The following ERC2 variants were observed in gnomAD, a reference collection of about 807,000 sequenced individuals.
The protein encoded by ERC2 is ELKS/RAB6-interacting/CAST family member 2.
In ERC2, 42 loss-of-function variants were observed where a neutral mutation model predicts 114.8. The observed-to-expected ratio is 0.37, with a 90% CI of 0.29 to 0.47. ERC2 has a LOEUF of 0.47. Among genes scored for constraint, ERC2 ranks in the 20% least tolerant of loss-of-function variants. The pLI, the probability that ERC2 is intolerant of heterozygous loss-of-function variation, is 0.99. For synonymous variants in ERC2, 454 were observed against 425.5 expected (o/e 1.07, Z -0.82); for missense variants, 939 against 1,150.7 (o/e 0.82, Z 2.66).
intron 3 of ERC2, among the ~76,000 whole-genome samples, chr3:56,175,657 C>T (rs917838311): frequency 6.6e-6 from 1 of 152,082 alleles, no homozygotes; most frequent in Non-Finnish European, 1.5e-5. Context: ...AAAACCTGCA[C>T]CCCCATGGCC....
intron 14 of ERC2, among the ~76,000 whole-genome samples, chr3:55,854,337 T>A (rs1005218750): frequency 6.6e-6 from 1 of 152,224 alleles, no homozygotes; most frequent in African/African-American, 2.4e-5. Context: ...CATTCTCCCA[T>A]AAACTTGAGT....
At chr3:56,228,997 C>T (rs961441352) in intron 3 of ERC2, among the ~76,000 whole-genome samples, 3 of 152,114 alleles carry the variant, frequency 2.0e-5, no homozygotes, top group African/African-American at 7.2e-5. Context: ...ATTTTTCCCA[C>T]AAGCCCCAAT....
intron 5 of ERC2, among the ~76,000 whole-genome samples, chr3:56,147,481 ACACG>A (rs1267189433): frequency 6.6e-6 from 1 of 152,216 alleles, no homozygotes; most frequent in Non-Finnish European, 1.5e-5. Context: ...ACACACACAC[ACACG>A]CACACACGTT....
chr3:55,664,938 C>G (rs901366888), intron 17 of ERC2, among the ~76,000 whole-genome samples: 102 of 152,170 alleles, frequency 6.7e-4, no homozygotes, highest in African/African-American at 2.3e-3. Flanking sequence ...ACACTGAATC[C>G]CCACACGGGA....
intron 10 of ERC2, among the ~76,000 whole-genome samples, chr3:56,000,399 A>G (rs1258748538): frequency 6.6e-6 from 1 of 152,138 alleles, no homozygotes; most frequent in Non-Finnish European, 1.5e-5. Context: ...TAAAACTGCC[A>G]TAAATCTGGC....
At chr3:55,918,055 C>T (rs1387633241) in intron 13 of ERC2, among the ~76,000 whole-genome samples, 2 of 151,814 alleles carry the variant, frequency 1.3e-5, no homozygotes, top group Non-Finnish European at 2.9e-5. Context: ...TAGCCTGGGC[C>T]TCAGAGTCCC....
intron 14 of ERC2, among the ~76,000 whole-genome samples, chr3:55,753,734 G>T (rs1227254463): frequency 1.3e-5 from 2 of 152,196 alleles, no homozygotes; most frequent in Admixed American, 1.3e-4. Context: ...TTTTCCAGTG[G>T]TTCATTGAGA....
intron 12 of ERC2, among the ~76,000 whole-genome samples, chr3:55,976,782 A>C (rs754351173): frequency 6.6e-6 from 1 of 152,216 alleles, no homozygotes; most frequent in Non-Finnish European, 1.5e-5. Context: ...CCTCACACTA[A>C]GATAAATTCC....
At chr3:55,791,084 A>T (rs1471085930) in intron 14 of ERC2, among the ~76,000 whole-genome samples, 1 of 152,204 alleles carries the variant, frequency 6.6e-6, no homozygotes, top group Admixed American at 6.5e-5. Context: ...CAAATTAAAT[A>T]GTGTTTATTT....
At chr3:55,864,441 G>T (rs1240614724) in intron 14 of ERC2, among the ~76,000 whole-genome samples, 1 of 151,838 alleles carries the variant, frequency 6.6e-6, no homozygotes, top group African/African-American at 2.4e-5. Flanking sequence ...GGCATATAGT[G>T]GATCTTCCAA....
At position 55,852,866 on chromosome 3, in the gene ERC2, C is replaced by T. The variant is rs140797208; in HGVS notation, c.2564+35523G>A. On this transcript the variant is annotated intron_variant, in intron 14 of 17. Coordinates refer to ENST00000288221, the MANE Select transcript of ERC2 (RefSeq NM_015576.3). ...CTAAATTATTGGCATAGTCATTAGC[C>T]CTTTATAGGAGTTTTTGAATTTGGC... Among the ~76,000 whole-genome samples, 472 of 152,188 alleles carry T rather than the reference C, an allele frequency of 3.1e-3. 2 individuals are homozygous for T. The highest frequency in any genetic ancestry group is 3.6e-3 in the Non-Finnish European group (247 of 68,010).
chr3:55,923,807 C>T (rs1409566032), intron 13 of ERC2, among the ~76,000 whole-genome samples: 1 of 152,036 alleles, frequency 6.6e-6, no homozygotes, highest in East Asian at 1.9e-4. Flanking sequence ...TTCTGTGCAC[C>T]AGCCCTGACA....
At chr3:55,748,618 C>T (rs980343826) in intron 14 of ERC2, among the ~76,000 whole-genome samples, 1 of 152,188 alleles carries the variant, frequency 6.6e-6, no homozygotes, top group African/African-American at 2.4e-5. Flanking sequence ...AAGAAGATAT[C>T]CCTGAATCCT....
intron 13 of ERC2, among the ~76,000 whole-genome samples, chr3:55,894,923 C>T (rs80003634): frequency 0.013 from 1,968 of 152,292 alleles, 43 homozygotes; most frequent in African/African-American, 0.044. Flanking sequence ...TTCAGCCTAT[C>T]TATGTCTGCA....
At chr3:55,729,553 C>T (rs1343149521) in intron 15 of ERC2, among the ~76,000 whole-genome samples, 1 of 151,986 alleles carries the variant, frequency 6.6e-6, no homozygotes, top group Non-Finnish European at 1.5e-5. Flanking sequence ...AAAAGTAAGC[C>T]TGTCTGGGTG....
intron 14 of ERC2, among the ~76,000 whole-genome samples, chr3:55,804,298 TCA>T (rs1177170557): frequency 6.6e-6 from 1 of 152,176 alleles, no homozygotes; most frequent in African/African-American, 2.4e-5. Context: ...CTGCATTTAC[TCA>T]CAGAGTAAAG....
chr3:56,311,255 C>CTCTCTCTCTCTATA (rs1314796268), intron 2 of ERC2, among the ~76,000 whole-genome samples: 1 of 79,074 alleles, frequency 1.3e-5, no homozygotes, highest in South Asian at 4.6e-4. Context: ...CTCTCTCTCT[C>CTCTCTCTCTCTATA]TATATATATA....
intron 17 of ERC2, among the ~76,000 whole-genome samples, chr3:55,560,151 C>G (rs768663280): frequency 9.9e-5 from 15 of 152,138 alleles, no homozygotes; most frequent in Non-Finnish European, 2.1e-4. Flanking sequence ...CCCTGCAGAC[C>G]TTGACTACTC....
chr3:56,359,149 T>C (rs752240292), intron 2 of ERC2, among the ~76,000 whole-genome samples: 3 of 152,248 alleles, frequency 2.0e-5, no homozygotes, highest in African/African-American at 7.2e-5. Flanking sequence ...AATATCATCA[T>C]GCCTCATGTA....
Sources: gnomAD v4.1 joint callset for allele counts (sites outside exome capture counted in the v4.1 genomes callset) on GRCh38, gnomAD v4.1.1 for gene constraint, MANE v1.5 for transcripts, NCBI Gene and HGNC (gene_info 2026-07-23, HGNC 2026-07-21) for gene names.